The following CFAP47 variants were observed in gnomAD, a reference collection of about 807,000 sequenced individuals.
CFAP47 encodes the protein cilia and flagella associated protein 47, also known as cilia- and flagella-associated protein 47.
CFAP47 carries 29 observed loss-of-function variants against 148.1 expected under a neutral mutation model. The ratio of observed to expected loss-of-function variants is 0.20; its 90% confidence interval spans 0.15 to 0.27. The LOEUF is 0.27. Ranked by LOEUF, CFAP47 falls within the 10% of genes least tolerant of loss-of-function variation. The pLI is 1.00. For synonymous variants in CFAP47, 664 were observed against 577.3 expected (o/e 1.15, Z -2.15); for missense variants, 1,872 against 1,697.5 (o/e 1.10, Z -1.81).
At chrX:36,242,484 C>A (rs1382463683) in intron 48 of CFAP47, among the ~76,000 whole-genome samples, 1 of 111,820 alleles carries the variant, frequency 8.9e-6, no homozygotes, top group Non-Finnish European at 1.9e-5. Flanking sequence ...AAGAAAAAAA[C>A]CAAACTGAAC....
At chrX:36,020,515 C>T (rs1937145477) in intron 22 of CFAP47, among the ~76,000 whole-genome samples, 1 of 111,600 alleles carries the variant, frequency 9.0e-6, no homozygotes, top group African/African-American at 3.3e-5. Context: ...TCTGAGTGCT[C>T]CAGTGTTGGG....
intron 39 of CFAP47, among the ~76,000 whole-genome samples, chrX:36,172,627 C>G (rs1413519835): frequency 4.5e-5 from 5 of 110,540 alleles, no homozygotes; most frequent in African/African-American, 1.3e-4. Context: ...GTTGAACCAG[C>G]CTTGCATCCC....
chrX:35,972,299 G>A (rs932445568), intron 13 of CFAP47, among the ~76,000 whole-genome samples: 5 of 110,274 alleles, frequency 4.5e-5, no homozygotes, highest in Admixed American at 9.7e-5. Flanking sequence ...GCATGATCTC[G>A]GTTCACTACA....
chrX:36,125,414 C>T (rs1938818330), intron 33 of CFAP47, among the ~76,000 whole-genome samples: 1 of 111,063 alleles, frequency 9.0e-6, no homozygotes, highest in Non-Finnish European at 1.9e-5. Flanking sequence ...ACTCACAATA[C>T]ATTCACAAGC....
chrX:36,058,703 T>C (rs755019178), intron 26 of CFAP47, among the ~76,000 whole-genome samples: 4 of 111,990 alleles, frequency 3.6e-5, no homozygotes, highest in Non-Finnish European at 5.6e-5. Flanking sequence ...GAATATATTG[T>C]AGTTCCTAAT....
chrX:36,320,351 A>G (rs1941468824), intron 57 of CFAP47, among the ~76,000 whole-genome samples: 1 of 112,204 alleles, frequency 8.9e-6, no homozygotes, highest in Non-Finnish European at 1.9e-5. Flanking sequence ...CACTACTAAC[A>G]TTTCAGTAAG....
chrX:36,348,097 CA>C, intron 57 of CFAP47, 31 bp from the exon 58 acceptor site: 1 of 816,814 alleles, frequency 1.2e-6, no homozygotes, highest in Non-Finnish European at 1.6e-6. Flanking sequence ...TAATATTTAC[CA>C]TATTAAAAAT....
chrX:35,963,877 C>T (rs1418623750), intron 8 of CFAP47, among the ~76,000 whole-genome samples: 1 of 111,244 alleles, frequency 9.0e-6, no homozygotes, highest in Non-Finnish European at 1.9e-5. Context: ...GTTCTTGTCT[C>T]CTCTTTGTGC....
At chrX:36,252,483 C>G in intron 49 of CFAP47, among the ~76,000 whole-genome samples, 1 of 110,664 alleles carries the variant, frequency 9.0e-6, no homozygotes, top group East Asian at 2.8e-4. Flanking sequence ...TGTGCTTAAC[C>G]TCAAATGCCA....
intron 62 of CFAP47, among the ~76,000 whole-genome samples, chrX:36,374,322 C>T (rs782294732): frequency 9.0e-6 from 1 of 110,558 alleles, no homozygotes; most frequent in Non-Finnish European, 1.9e-5. Context: ...TTCCAATTTG[C>T]TTACAGATAA....
chrX:36,041,170 A>C (rs1476671936), intron 25 of CFAP47, among the ~76,000 whole-genome samples: 1 of 111,394 alleles, frequency 9.0e-6, no homozygotes, highest in Non-Finnish European at 1.9e-5. Context: ...AATATATACA[A>C]AACAGAAACT....
At chrX:36,114,733 T>C (rs1413242402) in intron 33 of CFAP47, among the ~76,000 whole-genome samples, 1 of 110,597 alleles carries the variant, frequency 9.0e-6, no homozygotes, top group African/African-American at 3.3e-5. Flanking sequence ...TGGGTGGGGG[T>C]GGAGGATGAG....
At chrX:36,068,891 G>A (rs1164930595) in intron 27 of CFAP47, among the ~76,000 whole-genome samples, 1 of 107,878 alleles carries the variant, frequency 9.3e-6, no homozygotes, top group Non-Finnish European at 1.9e-5. Flanking sequence ...AGGAGGCAGA[G>A]GTTGCAGTGA....
At chrX:36,230,971 T>C (rs1172972242) in intron 46 of CFAP47, among the ~76,000 whole-genome samples, 2 of 104,685 alleles carry the variant, frequency 1.9e-5, no homozygotes, top group Non-Finnish European at 3.8e-5. Context: ...TTGATCAATA[T>C]CTCTGTTTTG....
intron 39 of CFAP47, among the ~76,000 whole-genome samples, chrX:36,167,960 T>TCTCA (rs1297374112): frequency 9.0e-6 from 1 of 111,621 alleles, no homozygotes; most frequent in African/African-American, 3.3e-5. Context: ...TCCAAGGATC[T>TCTCA]CTCATGGTGT....
At chrX:36,285,504 T>C in intron 50 of CFAP47, 125 bp from the exon 51 acceptor site, 1 of 403,617 alleles carries the variant, frequency 2.5e-6, no homozygotes. Flanking sequence ...TTTCTTCAGC[T>C]GTCTTGACAA....
At chrX:36,279,054 T>C (rs868993925) in intron 49 of CFAP47, among the ~76,000 whole-genome samples, 6 of 112,014 alleles carry the variant, frequency 5.4e-5, no homozygotes, top group African/African-American at 2.0e-4. Flanking sequence ...AGTTAAAATA[T>C]TATTTTTTTT....
chrX:36,011,351 T>A (rs1181266790), intron 21 of CFAP47, among the ~76,000 whole-genome samples: 4 of 111,905 alleles, frequency 3.6e-5, no homozygotes, highest in African/African-American at 1.3e-4. Context: ...AAGATGAAAG[T>A]TTAACATCTT....
chrX:36,201,442 C>A lies in CFAP47; in HGVS notation c.6605C>A (p.Thr2202Asn). 1 of 297,166 alleles carries A rather than the reference C, an allele frequency of 3.4e-6. No individual in the cohort carries two copies. Among genetic ancestry groups the A allele is most frequent in the Non-Finnish European group, 5.9e-6 (1 of 170,031 alleles). The allele number at this position is 297,166 out of a possible 1,213,427, so 24.5% of individuals were successfully genotyped here. A position where few individuals can be genotyped will look rare whatever the true frequency, so the allele number is the denominator to read the frequency against. The change falls in exon 44 of 64, where the codon ACT becomes AAT. Residue 2202 changes from threonine to asparagine, a missense_variant. Transcript: ENST00000378653. ...TATGAGCGAAGGTTGATCACAGGCA[C>A]TCTAGAGAGCAGTAGTATCCGTGTG... Reference protein sequence around the residue: ...IEYERRLITGTLESSSIRVAI... With the variant: ...IEYERRLITGNLESSSIRVAI...
Sources: allele counts gnomAD v4.1 joint callset (sites outside exome capture counted in the v4.1 genomes callset), GRCh38; gene constraint gnomAD v4.1.1; transcripts MANE v1.5; gene names NCBI Gene and HGNC (gene_info 2026-07-23, HGNC 2026-07-21).